The following DIP2B variants were observed in gnomAD, a reference collection of about 807,000 sequenced individuals.
DIP2B encodes DIP2 acetate--CoA ligase B (putative).
A neutral mutation model predicts 198.0 loss-of-function variants in DIP2B; 76 were observed. The ratio of observed to expected loss-of-function variants is 0.38; its 90% CI spans 0.32 to 0.46. The LOEUF (loss-of-function observed/expected upper bound fraction) is 0.46, where lower values mean the gene tolerates loss of function less well. Ranked by LOEUF, DIP2B falls within the 20% of genes least tolerant of loss-of-function variation. The pLI, the probability that DIP2B is intolerant of heterozygous loss-of-function variation, is 0.99. For synonymous variants in DIP2B, 701 were observed against 739.1 expected (o/e 0.95, Z 0.84); for missense variants, 1,559 against 1,978.4 (o/e 0.79, Z 4.02).
intron 1 of DIP2B, among the ~76,000 whole-genome samples, chr12:50,566,685 T>A (rs1178188562): frequency 6.6e-6 from 1 of 152,124 alleles, no homozygotes; most frequent in Non-Finnish European, 1.5e-5. Context: ...AATTGAATCA[T>A]ATGGCTGGGC....
At chr12:50,585,703 A>G (rs1162776522) in intron 1 of DIP2B, among the ~76,000 whole-genome samples, 1 of 152,192 alleles carries the variant, frequency 6.6e-6, no homozygotes. Flanking sequence ...TTTATTCAGA[A>G]TGTGGGAAGT....
Position 50,745,450 on chromosome 12 carries a change from G to A in DIP2B, c.*611G>A, listed in dbSNP as rs1940328613. On this transcript the variant is annotated 3_prime_UTR_variant, in exon 38 of 38. Coordinates refer to ENST00000301180, the MANE Select transcript of DIP2B (RefSeq NM_173602.3). ...GAGATTTGAAGAATTGGCTTGTATA[G>A]TTATAACAACCACAGTAGAAACATT... is the stretch of plus-strand genomic sequence containing the variant. 6.5e-6 allele frequency: 1 copy of A among 152,776 alleles called. No homozygotes were observed. Among genetic ancestry groups the A allele is most frequent in the Admixed American group, 6.5e-5 (1 of 15,346 alleles). 9.5% of individuals were successfully genotyped at this position (152,776 alleles called of 1,614,324 possible).
intron 1 of DIP2B, among the ~76,000 whole-genome samples, chr12:50,505,941 G>A (rs1414428304): frequency 6.6e-6 from 1 of 151,988 alleles, no homozygotes; most frequent in Non-Finnish European, 1.5e-5. Context: ...ATGAAGGAAG[G>A]AGAGGAGGCT....
chr12:50,631,311 C>G (rs1032394466), intron 2 of DIP2B, among the ~76,000 whole-genome samples: 2 of 151,964 alleles, frequency 1.3e-5, no homozygotes, highest in African/African-American at 2.4e-5. Context: ...ACTGCAACCT[C>G]TACCTCCTGG....
chr12:50,540,833 A>G (rs573921470), intron 1 of DIP2B, among the ~76,000 whole-genome samples: 3 of 152,108 alleles, frequency 2.0e-5, no homozygotes, highest in Non-Finnish European at 4.4e-5. Flanking sequence ...CACCGCGCCC[A>G]GCCAGCTATG....
chr12:50,529,140 G>A (rs1260539071), intron 1 of DIP2B, among the ~76,000 whole-genome samples: 1 of 152,144 alleles, frequency 6.6e-6, no homozygotes, highest in Non-Finnish European at 1.5e-5. Context: ...AACTAGTCAG[G>A]TGTGGTGGCA....
intron 1 of DIP2B, among the ~76,000 whole-genome samples, chr12:50,583,954 A>G (rs1401903716): frequency 6.6e-6 from 1 of 152,162 alleles, no homozygotes; most frequent in African/African-American, 2.4e-5. Context: ...GGAAGCACCA[A>G]GGTCCCCAGT....
intron 1 of DIP2B, among the ~76,000 whole-genome samples, chr12:50,611,433 G>A (rs1016012897): frequency 2.6e-5 from 4 of 152,082 alleles, no homozygotes; most frequent in East Asian, 1.9e-4. Flanking sequence ...TGTTATTAAC[G>A]TTTAACATTT....
chr12:50,645,150 T>C (rs1173807192), intron 3 of DIP2B, among the ~76,000 whole-genome samples: 2 of 152,236 alleles, frequency 1.3e-5, no homozygotes, highest in Non-Finnish European at 2.9e-5. Context: ...AAATGCAGTA[T>C]AAAATTATTT....
chr12:50,516,650 A>C (rs1216954824), intron 1 of DIP2B, among the ~76,000 whole-genome samples: 1 of 152,118 alleles, frequency 6.6e-6, no homozygotes, highest in Non-Finnish European at 1.5e-5. Flanking sequence ...CCAAAGTCAA[A>C]AAAATTGAGA....
At chr12:50,600,816 C>T (rs1304355299) in intron 1 of DIP2B, among the ~76,000 whole-genome samples, 4 of 151,936 alleles carry the variant, frequency 2.6e-5, no homozygotes, top group Admixed American at 1.3e-4. Flanking sequence ...CTGGAGGGCT[C>T]CCCCTGGAAA....
Position 50,505,104 on chromosome 12 carries a change from C to A in DIP2B, c.-37C>A. 6.6e-7 allele frequency: 1 copy of A among 1,522,752 alleles called. No individual in the cohort carries two copies. The highest frequency in any genetic ancestry group is 8.8e-7 in the Non-Finnish European group (1 of 1,137,422). 94.3% of individuals were successfully genotyped at this position (1,522,752 alleles called of 1,614,324 possible). A position where few individuals can be genotyped will look rare whatever the true frequency, so the allele number is the denominator to read the frequency against. ...GTCTGTCCGTCCCTCCTTCGGCCCC[C>A]TCTCTTGTCTTCCGGAGTGTGGCTG... is the stretch of plus-strand genomic sequence containing the variant. On this transcript the variant is annotated 5_prime_UTR_variant, in exon 1 of 38. Transcript: ENST00000301180.
chr12:50,659,937 T>C (rs181637557), intron 3 of DIP2B, among the ~76,000 whole-genome samples: 1 of 152,182 alleles, frequency 6.6e-6, no homozygotes, highest in African/African-American at 2.4e-5. Flanking sequence ...GTCAACTCTT[T>C]GTCTGGTGTG....
At chr12:50,549,697 T>TAA (rs56326368) in intron 1 of DIP2B, among the ~76,000 whole-genome samples, 1,634 of 64,674 alleles carry the variant, frequency 0.025, 89 homozygotes, top group African/African-American at 0.031. Context: ...GACTCCATCT[T>TAA]AAAAAAAAAA....
At chr12:50,586,687 C>G (rs945072692) in intron 1 of DIP2B, among the ~76,000 whole-genome samples, 3 of 152,118 alleles carry the variant, frequency 2.0e-5, no homozygotes, top group Non-Finnish European at 4.4e-5. Context: ...ATTCTCCTGC[C>G]TCAGCCTCCT....
chr12:50,573,120 TC>T (rs1958629673), intron 1 of DIP2B, among the ~76,000 whole-genome samples: 1 of 152,196 alleles, frequency 6.6e-6, no homozygotes, highest in South Asian at 2.1e-4. Flanking sequence ...TTTTTAGGCA[TC>T]CCCTTAAATC....
intron 1 of DIP2B, among the ~76,000 whole-genome samples, chr12:50,518,450 T>A (rs975155889): frequency 2.0e-5 from 3 of 152,070 alleles, no homozygotes; most frequent in African/African-American, 7.2e-5. Flanking sequence ...CCTCAAGTGA[T>A]CGCCCACCCC....
intron 1 of DIP2B, among the ~76,000 whole-genome samples, chr12:50,511,289 C>CTTTTTTTT (rs1316212138): frequency 3.3e-3 from 68 of 20,822 alleles, no homozygotes; most frequent in African/African-American, 4.5e-3. Context: ...AGTGTGATTT[C>CTTTTTTTT]TATTTTTTTT....
At chr12:50,634,948 G>A (rs1476337124) in intron 2 of DIP2B, among the ~76,000 whole-genome samples, 3 of 152,198 alleles carry the variant, frequency 2.0e-5, no homozygotes, top group Admixed American at 6.5e-5. Context: ...GTGGTCTCTT[G>A]TAGATTGATC....
Sources: gnomAD v4.1 joint callset for allele counts (sites outside exome capture counted in the v4.1 genomes callset) on GRCh38, gnomAD v4.1.1 for gene constraint, MANE v1.5 for transcripts, NCBI Gene and HGNC (gene_info 2026-07-23, HGNC 2026-07-21) for gene names.